KLRD1: variants seen among roughly 807,000 people sequenced by gnomAD.
The protein encoded by KLRD1 is natural killer cells antigen CD94.
KLRD1 carries 21 observed loss-of-function variants against 22.6 expected under a neutral mutation model. That is an observed-to-expected ratio of 0.93 (90% CI 0.66 to 1.34). The LOEUF is 1.34. KLRD1 is among the 40% of genes most tolerant of loss of function. The probability of loss-of-function intolerance (pLI) is 0.00; values close to 1 mark genes in which losing one functional copy is unlikely to be tolerated. For synonymous variants in KLRD1, 59 were observed against 71.1 expected (o/e 0.83, Z 0.85); for missense variants, 183 against 208.6 (o/e 0.88, Z 0.76).
intron 1 of KLRD1, among the ~76,000 whole-genome samples, chr12:10,253,352 A>G (rs983239045): frequency 6.6e-6 from 1 of 151,924 alleles, no homozygotes; most frequent in African/African-American, 2.4e-5. Flanking sequence ...AATGTGTTTC[A>G]TTTTGTTTAG....
At chr12:10,288,057 G>C (rs900908084) in intron 1 of KLRD1, among the ~76,000 whole-genome samples, 10 of 142,352 alleles carry the variant, frequency 7.0e-5, no homozygotes, top group Admixed American at 3.6e-4. Flanking sequence ...GACAGAGCGA[G>C]ACTCTGTCTC....
chr12:10,297,095 AAC>A (rs148998209), intron 1 of KLRD1, among the ~76,000 whole-genome samples: 5,226 of 152,290 alleles, frequency 0.034, 301 homozygotes, highest in African/African-American at 0.12. Flanking sequence ...GAAGGAAGGA[AAC>A]AGCACAATTC....
chr12:10,274,753 A>G (rs1410492313), intron 1 of KLRD1, among the ~76,000 whole-genome samples: 1 of 152,162 alleles, frequency 6.6e-6, no homozygotes, highest in East Asian at 1.9e-4. Context: ...TAGTTCTTTT[A>G]CAACTCCATA....
chr12:10,266,069 A>C (rs1949496186), intron 1 of KLRD1, among the ~76,000 whole-genome samples: 1 of 152,136 alleles, frequency 6.6e-6, no homozygotes, highest in South Asian at 2.1e-4. Context: ...CTTATGAATA[A>C]ATTTACTTCT....
Position 10,308,084 on chromosome 12 carries a change from G to A in KLRD1, c.7G>A (p.Val3Met). 1 of 1,612,142 alleles carries A rather than the reference G, an allele frequency of 6.2e-7. No homozygotes were observed. The highest frequency in any genetic ancestry group is 2.2e-5 in the East Asian group (1 of 44,820). Residue 3 changes from valine (V) to methionine (M), a missense_variant and splice_region_variant, in exon 1 of 6, where the codon GTG (valine) becomes ATG (methionine). Transcript: ENST00000336164. MA[V>M]FKTTLWRLIS... ...TCTTGGAACATAATTTCTCATGGCAGGTATGTGTGATTTCAGTCACTAAAT... is the reference window on the plus strand; with the variant it reads ...TCTTGGAACATAATTTCTCATGGCAAGTATGTGTGATTTCAGTCACTAAAT...
At chr12:10,281,243 G>A (rs1949639304) in intron 1 of KLRD1, among the ~76,000 whole-genome samples, 1 of 152,150 alleles carries the variant, frequency 6.6e-6, no homozygotes, top group African/African-American at 2.4e-5. Flanking sequence ...GGGAACGCTG[G>A]CAGACATGAG....
intron 1 of KLRD1, among the ~76,000 whole-genome samples, chr12:10,288,136 A>C (rs1478064531): frequency 6.6e-6 from 1 of 150,960 alleles, no homozygotes; most frequent in East Asian, 1.9e-4. Flanking sequence ...CCAGCTACTC[A>C]GGAGGCTGAT....
chr12:10,309,626 C>A lies in KLRD1; in HGVS notation c.101C>A (p.Ser34Tyr), dbSNP rs1413220525. ...MSTLGILLKN[S>Y]FTKLSIEPAF... ...ACAAATTTCTAATCATTTCTTATAG[C>A]TTTTACTAAACTGAGTATTGAGCCA... Residue 34 changes from serine (S) to tyrosine (Y), a missense_variant and splice_region_variant, in exon 3 of 6, where the codon TCT becomes TAT. Ser to Tyr is a moderately radical substitution (Grantham distance 144). Transcript: ENST00000336164. The A allele has an allele frequency of 6.2e-7, 1 of 1,607,308 alleles. No individual in the cohort carries two copies. The highest frequency in any genetic ancestry group is 1.7e-5 in the Admixed American group (1 of 59,946).
intron 1 of KLRD1, among the ~76,000 whole-genome samples, chr12:10,266,311 T>C (rs996493955): frequency 6.6e-6 from 1 of 152,134 alleles, no homozygotes; most frequent in Non-Finnish European, 1.5e-5. Context: ...GAGGGTCCAT[T>C]CTCCACACAT....
intron 1 of KLRD1, among the ~76,000 whole-genome samples, chr12:10,277,818 A>G (rs1190161040): frequency 6.6e-6 from 1 of 152,246 alleles, no homozygotes; most frequent in Non-Finnish European, 1.5e-5. Flanking sequence ...TACAGAAAAT[A>G]TTGATCAGTT....
intron 1 of KLRD1, among the ~76,000 whole-genome samples, chr12:10,248,581 C>CCTTCCTTT (rs1949315708): frequency 1.7e-5 from 2 of 119,018 alleles, no homozygotes; most frequent in Non-Finnish European, 3.4e-5. Flanking sequence ...TTCCTTCCTT[C>CCTTCCTTT]CTTCCCTTCT....
chr12:10,312,750 G>A (rs1014385696), intron 4 of KLRD1, among the ~76,000 whole-genome samples: 18 of 151,204 alleles, frequency 1.2e-4, no homozygotes, highest in Non-Finnish European at 1.9e-4. Flanking sequence ...AGCACTTTGG[G>A]AGGCCGAGGA....
chr12:10,259,686 C>A (rs1267552356), intron 1 of KLRD1, among the ~76,000 whole-genome samples: 1 of 152,200 alleles, frequency 6.6e-6, no homozygotes, highest in Non-Finnish European at 1.5e-5. Context: ...ATATTGTGGG[C>A]TGGGCATGGT....
intron 1 of KLRD1, among the ~76,000 whole-genome samples, chr12:10,241,966 C>G (rs10845083): frequency 6.6e-6 from 1 of 151,298 alleles, no homozygotes; most frequent in Non-Finnish European, 1.5e-5. Context: ...ACATCACAAT[C>G]TGAGTTGCTG....
At chr12:10,240,749 A>T (rs1349062274) in intron 1 of KLRD1, among the ~76,000 whole-genome samples, 5 of 152,146 alleles carry the variant, frequency 3.3e-5, no homozygotes, top group African/African-American at 1.2e-4. Context: ...CGGTCAGTAC[A>T]TTTCCCTGAT....
intron 1 of KLRD1, among the ~76,000 whole-genome samples, chr12:10,279,518 T>C (rs1163625423): frequency 6.6e-6 from 1 of 152,216 alleles, no homozygotes; most frequent in African/African-American, 2.4e-5. Context: ...AGGATTCTGA[T>C]TTATATAAAT....
intron 1 of KLRD1, among the ~76,000 whole-genome samples, chr12:10,272,269 ACAC>A (rs905132488): frequency 3.0e-4 from 45 of 152,182 alleles, no homozygotes; most frequent in Admixed American, 2.2e-3. Context: ...GAACTCATAG[ACAC>A]CAAAAGTCAA....
chr12:10,257,459 GT>G (rs1288996015), intron 1 of KLRD1, among the ~76,000 whole-genome samples: 2 of 132,158 alleles, frequency 1.5e-5, no homozygotes, highest in Non-Finnish European at 3.1e-5. Flanking sequence ...ATTTCAAATG[GT>G]TTACTTTCCA....
Position 10,277,114 on chromosome 12 carries a change from G to GTT in KLRD1, c.-100-30842_-100-30841dup, listed in dbSNP as rs36020833. 8.2e-3 allele frequency among the ~76,000 whole-genome samples: 945 copies of GTT among 115,310 alleles called. 19 individuals carry two copies. The highest frequency in any genetic ancestry group is 0.027 in the African/African-American group (824 of 30,270). The allele number at this position is 115,310 out of a possible 152,430, so 75.6% of individuals were successfully genotyped here. Reference sequence around the variant, plus strand: ...CAAAGGCAAATGTTGGCCTCACAGAGTTTTTTTTTTTTTTTTTTTTTTTAG... The same window carrying GTT: ...CAAAGGCAAATGTTGGCCTCACAGAGTTTTTTTTTTTTTTTTTTTTTTTTTAG... On this transcript the variant is annotated intron_variant, in intron 1 of 5. Coordinates refer to the KLRD1 transcript ENST00000544747.
Sources: allele counts gnomAD v4.1 joint callset (sites outside exome capture counted in the v4.1 genomes callset), GRCh38; gene constraint gnomAD v4.1.1; transcripts MANE v1.5; gene names NCBI Gene and HGNC (gene_info 2026-07-23, HGNC 2026-07-21).